Variants in EMILIN2 observed in about 807,000 individuals in gnomAD.
The protein encoded by EMILIN2 is EMILIN-2.
EMILIN2 carries 71 observed loss-of-function variants against 87.1 expected under a neutral mutation model. That is an observed-to-expected ratio of 0.82 (90% CI 0.67 to 0.99). EMILIN2 has a LOEUF of 0.99. Ranked by LOEUF, EMILIN2 falls within the 50% of genes least tolerant of loss-of-function variation. The pLI is 0.00. For missense variants in EMILIN2, 1,407 were observed against 1,371.8 expected (o/e 1.03, Z -0.40); for synonymous variants, 581 against 563.4 (o/e 1.03, Z -0.44).
chr18:2,859,978 T>TAGTA (rs1254391049), intron 2 of EMILIN2, among the ~76,000 whole-genome samples: 1 of 152,238 alleles, frequency 6.6e-6, no homozygotes, highest in African/African-American at 2.4e-5. Context: ...TATGGCTTTA[T>TAGTA]AGTATAGTTT....
chr18:2,852,096 C>A (rs1789673602), intron 2 of EMILIN2, among the ~76,000 whole-genome samples: 1 of 152,232 alleles, frequency 6.6e-6, no homozygotes, highest in Non-Finnish European at 1.5e-5. Flanking sequence ...AGAGCATTTA[C>A]ACCTTCTTTC....
chr18:2,885,588 G>A (rs1441551512), intron 3 of EMILIN2, among the ~76,000 whole-genome samples: 3 of 152,120 alleles, frequency 2.0e-5, no homozygotes, highest in African/African-American at 4.8e-5. Flanking sequence ...GCGCAATCTC[G>A]GTTCACTGCA....
intron 4 of EMILIN2, among the ~76,000 whole-genome samples, chr18:2,896,472 G>A (rs183334717): frequency 2.6e-4 from 40 of 151,688 alleles, no homozygotes; most frequent in African/African-American, 5.8e-4. Flanking sequence ...CATTGCACCC[G>A]GTCAGATATA....
chr18:2,909,948 C>A, intron 7 of EMILIN2, 129 bp downstream of exon 7: 1 of 1,264,562 alleles, frequency 7.9e-7, no homozygotes, highest in South Asian at 1.4e-5. Flanking sequence ...GGAGCAGATG[C>A]CCGAGTGGGC....
rs11334875 is a variant in EMILIN2, at chr18:2,915,523, C to CT, written c.*2133dup. On this transcript the variant is annotated 3_prime_UTR_variant, in exon 8 of 8. Transcript: ENST00000254528. ...GACAGAATCAGGCACAAGTTCACAA[C>CT]TTTTTTTTTTTTTTGGGGGGAGACA... is the stretch of plus-strand genomic sequence containing the variant. 541 of 146,622 alleles carry CT rather than the reference C, an allele frequency of 3.7e-3. 4 individuals are homozygous for CT. The highest frequency in any genetic ancestry group is 8.9e-3 in the African/African-American group (356 of 39,914). The allele number at this position is 146,622 out of a possible 1,614,324, so 9.1% of individuals were successfully genotyped here. A position where few individuals can be genotyped will look rare whatever the true frequency, so the allele number is the denominator to read the frequency against.
intron 2 of EMILIN2, among the ~76,000 whole-genome samples, chr18:2,850,500 G>T (rs1372267241): frequency 6.6e-6 from 1 of 151,720 alleles, no homozygotes; most frequent in Non-Finnish European, 1.5e-5. Context: ...CTAACTGTTC[G>T]GCTCAAGCGA....
intron 2 of EMILIN2, among the ~76,000 whole-genome samples, chr18:2,868,569 G>A (rs916662286): frequency 9.8e-5 from 15 of 152,368 alleles, no homozygotes; most frequent in Non-Finnish European, 1.5e-4. Context: ...CGAGGCTGGC[G>A]GATCACTCGC....
At chr18:2,912,979 C>T in intron 7 of EMILIN2, 88 bp from the exon 8 acceptor site, 1 of 1,399,358 alleles carries the variant, frequency 7.1e-7, no homozygotes, top group Non-Finnish European at 9.8e-7. Flanking sequence ...TCTCCCAGGC[C>T]CAGGTTAATC....
In EMILIN2 at chr18:2,892,255, G is replaced by T. The variant is rs775448353; in HGVS notation, c.2128G>T (p.Glu710Ter). The change falls in exon 4 of 8, where the codon GAG (glutamate) becomes TAG (stop). Residue 710 changes from glutamate (E) to a stop codon, truncating the protein, a stop_gained. Transcript: ENST00000254528. LOFTEE classifies it high-confidence loss of function. ...SMVEGRVSHMEKTCSKLDSIS... is the reference protein window; with the variant it reads ...SMVEGRVSHM Reference sequence around the variant, plus strand: ...GGTGGAGGGCAGGGTGTCTCATATGGAGAAAACTTGCAGCAAGCTGGACTC... The same window carrying T: ...GGTGGAGGGCAGGGTGTCTCATATGTAGAAAACTTGCAGCAAGCTGGACTC... 5.0e-6 allele frequency: 8 copies of T among 1,613,844 alleles called. No homozygotes were observed. The highest frequency in any genetic ancestry group is 6.8e-6 in the Non-Finnish European group (8 of 1,179,874).
In EMILIN2 at chr18:2,892,139, A is replaced by AGGAGAG; in HGVS notation, c.2014_2019dup (p.Glu672_Arg673dup). 6.2e-7 allele frequency: 1 copy of AGGAGAG among 1,609,576 alleles called. No homozygotes were observed. The highest frequency in any genetic ancestry group is 2.2e-5 in the East Asian group (1 of 44,816). On this transcript the variant is annotated inframe_insertion, in exon 4 of 8. Coordinates refer to ENST00000254528, the MANE Select transcript of EMILIN2 (RefSeq NM_032048.3). ...GTGGCTCATTGCTGCAGTCAGCTGGAGGAGAGGTGGCAGAGGTTGCAGAGC... is the reference window on the plus strand; with the variant it reads ...GTGGCTCATTGCTGCAGTCAGCTGGAGGAGAGGGAGAGGTGGCAGAGGTTGCAGAGC...
At chr18:2,901,562 C>T (rs544815147) in intron 4 of EMILIN2, among the ~76,000 whole-genome samples, 1 of 152,334 alleles carries the variant, frequency 6.6e-6, no homozygotes, top group Admixed American at 6.5e-5. Flanking sequence ...GGCTGTGACC[C>T]TACCCGACCC....
chr18:2,874,448 A>G (rs537482582), intron 2 of EMILIN2, among the ~76,000 whole-genome samples: 1 of 152,198 alleles, frequency 6.6e-6, no homozygotes, highest in South Asian at 2.1e-4. Flanking sequence ...GAATGGGGAA[A>G]ATAACTTTGC....
intron 2 of EMILIN2, among the ~76,000 whole-genome samples, chr18:2,859,303 A>T (rs1342361684): frequency 6.6e-6 from 1 of 151,786 alleles, no homozygotes; most frequent in African/African-American, 2.4e-5. Context: ...TTTGATTTTC[A>T]TTTCCCTGAT....
chr18:2,868,544 G>A (rs563690238), intron 2 of EMILIN2, among the ~76,000 whole-genome samples: 6 of 152,376 alleles, frequency 3.9e-5, no homozygotes, highest in South Asian at 4.1e-4. Context: ...CTGCAATCCC[G>A]GCACCTCGGG....
In EMILIN2 at chr18:2,896,481, T is replaced by C. The variant is rs1233081436; in HGVS notation, c.2359+3995T>C. ...ATGAGACATTGCACCCGGTCAGATA[T>C]ATATATATTTGAGACAGGATCTTGC... On this transcript the variant is annotated intron_variant, in intron 4 of 7. Coordinates refer to ENST00000254528, the MANE Select transcript of EMILIN2 (RefSeq NM_032048.3). 5.3e-5 allele frequency among the ~76,000 whole-genome samples: 8 copies of C among 151,824 alleles called. 1 individual carries two copies.
At chr18:2,852,668 A>G (rs1247260949) in intron 2 of EMILIN2, among the ~76,000 whole-genome samples, 1 of 152,092 alleles carries the variant, frequency 6.6e-6, no homozygotes, top group Non-Finnish European at 1.5e-5. Context: ...ACAGGCCTGT[A>G]CCACCACGCC....
rs1293730371 is a variant in EMILIN2, at chr18:2,848,828, T to C, written c.257+897T>C. Among the ~76,000 whole-genome samples the C allele has an allele frequency of 2.0e-5, 3 of 152,166 alleles. No homozygotes were observed. The East Asian group carries it at 5.8e-4, about 29-fold the overall frequency. On this transcript the variant is annotated intron_variant, in intron 2 of 7. Coordinates refer to ENST00000254528, the MANE Select transcript of EMILIN2 (RefSeq NM_032048.3). The surrounding 1 kb of genome is among the most constrained non-coding windows in gnomAD (Gnocchi z 4.1). The stretch of plus-strand genomic sequence containing the variant: ...GCACAGTTGTCATTACAGCAGAGAA[T>C]AGTCAGTAGGCGGATCTGTCTTTGG...
At chr18:2,865,320 GCT>G (rs1193878900) in intron 2 of EMILIN2, among the ~76,000 whole-genome samples, 4 of 152,148 alleles carry the variant, frequency 2.6e-5, no homozygotes, top group African/African-American at 9.7e-5. Context: ...CAGTTTTTCT[GCT>G]CTGTTTTTCC....
At chr18:2,859,027 T>C (rs2076647114) in intron 2 of EMILIN2, among the ~76,000 whole-genome samples, 1 of 152,166 alleles carries the variant, frequency 6.6e-6, no homozygotes, top group African/African-American at 2.4e-5. Context: ...GCTGTAAATA[T>C]TTACGTGTAA....
Sources: allele counts gnomAD v4.1 joint callset (sites outside exome capture counted in the v4.1 genomes callset), GRCh38; gene constraint gnomAD v4.1.1; non-coding constraint Gnocchi (gnomAD v3.1); transcripts MANE v1.5; gene names NCBI Gene and HGNC (gene_info 2026-07-23, HGNC 2026-07-21).